STPG2: variants seen among roughly 807,000 people sequenced by gnomAD.
The protein encoded by STPG2 is sperm-tail PG-rich repeat-containing protein 2.
Under a neutral mutation model 54.2 loss-of-function variants are expected in STPG2, and 56 were observed. The ratio of observed to expected loss-of-function variants is 1.03; its 90% CI spans 0.83 to 1.29. STPG2 has a LOEUF of 1.29. STPG2 is among the 50% of genes most tolerant of loss of function. The probability of loss-of-function intolerance (pLI) is 0.00; values close to 1 mark genes in which losing one functional copy is unlikely to be tolerated. For missense variants in STPG2, 596 were observed against 544.9 expected (o/e 1.09, Z -0.93); for synonymous variants, 200 against 181.8 (o/e 1.10, Z -0.81).
At chr4:97,561,658 T>G (rs985802231) in intron 10 of STPG2, among the ~76,000 whole-genome samples, 4 of 150,548 alleles carry the variant, frequency 2.7e-5, no homozygotes, top group Admixed American at 2.6e-4. Context: ...TTTCAGCATA[T>G]GGCTAGCCAG....
chr4:98,089,424 T>C (rs1738618086), intron 5 of STPG2, among the ~76,000 whole-genome samples: 2 of 152,120 alleles, frequency 1.3e-5, no homozygotes, highest in African/African-American at 2.4e-5. Flanking sequence ...GGTGTATATA[T>C]ATCAGATTTT....
intron 4 of STPG2, among the ~76,000 whole-genome samples, chr4:97,445,907 A>G (rs1166991005): frequency 6.6e-6 from 1 of 152,228 alleles, no homozygotes; most frequent in Non-Finnish European, 1.5e-5. Flanking sequence ...AAAGAAAAGG[A>G]ATCTTTTTCT....
intron 9 of STPG2, among the ~76,000 whole-genome samples, chr4:97,828,247 G>A (rs901711849): frequency 3.9e-5 from 6 of 152,152 alleles, no homozygotes; most frequent in Non-Finnish European, 8.8e-5. Flanking sequence ...GCGAGCCAAA[G>A]CAGGCTGGGG....
rs531931706 is a variant in STPG2 at position 97,692,589 on chromosome 4, A to C, written c.1320+20110T>G. ...TAACAATAATTGGTATTCCCGAGGA[A>C]GAAGAGAAATCTAAAAGTTTAGAAA... On this transcript the variant is annotated intron_variant, in intron 10 of 10. Coordinates refer to ENST00000295268, the MANE Select transcript of STPG2 (RefSeq NM_174952.3). Among the ~76,000 whole-genome samples the C allele has an allele frequency of 5.3e-5, 8 of 152,316 alleles. No homozygotes were observed. The East Asian group carries it at 1.5e-3, about 29-fold the overall frequency.
intron 10 of STPG2, among the ~76,000 whole-genome samples, chr4:97,589,902 T>C (rs1578408919): frequency 6.6e-6 from 1 of 152,232 alleles, no homozygotes; most frequent in South Asian, 2.1e-4. Flanking sequence ...TCCAAGTTTG[T>C]AGCTTAGGAG....
chr4:97,891,326 A>T (rs1401557729), intron 8 of STPG2, among the ~76,000 whole-genome samples: 1 of 152,126 alleles, frequency 6.6e-6, no homozygotes, highest in Admixed American at 6.6e-5. Flanking sequence ...GAGAAACTCA[A>T]TCAGCTGGAA....
chr4:97,862,662 C>A (rs921612556), intron 8 of STPG2, among the ~76,000 whole-genome samples: 1 of 152,114 alleles, frequency 6.6e-6, no homozygotes, highest in Non-Finnish European at 1.5e-5. Context: ...AGCACCACAC[C>A]ACACCTATTC....
intron 7 of STPG2, among the ~76,000 whole-genome samples, chr4:97,965,991 C>T (rs1734083440): frequency 6.6e-6 from 1 of 152,140 alleles, no homozygotes; most frequent in South Asian, 2.1e-4. Flanking sequence ...TCAACAGCAA[C>T]AAAACAAAGC....
intron 8 of STPG2, among the ~76,000 whole-genome samples, chr4:97,845,002 A>T (rs900568342): frequency 9.2e-5 from 14 of 151,804 alleles, no homozygotes; most frequent in East Asian, 3.9e-4. Context: ...CAACTCTAGA[A>T]TTATTTTTGT....
At chr4:98,100,549 C>A (rs1738994414) in intron 5 of STPG2, among the ~76,000 whole-genome samples, 1 of 151,536 alleles carries the variant, frequency 6.6e-6, no homozygotes, top group South Asian at 2.1e-4. Context: ...TATGTACCAT[C>A]TATTGTAAGG....
At chr4:97,859,520 A>T (rs1466628934) in intron 8 of STPG2, among the ~76,000 whole-genome samples, 1 of 144,290 alleles carries the variant, frequency 6.9e-6, no homozygotes, top group East Asian at 2.0e-4. Context: ...CAGGGAGTGC[A>T]GTGGGGCGAT....
chr4:97,665,416 C>T (rs1255598809), intron 10 of STPG2, among the ~76,000 whole-genome samples: 1 of 152,166 alleles, frequency 6.6e-6, no homozygotes, highest in East Asian at 1.9e-4. Flanking sequence ...GATGTCCCAA[C>T]AAGTGTTCAG....
At chr4:97,982,377 TACACACACAC>T (rs59489663) in intron 5 of STPG2, among the ~76,000 whole-genome samples, 6 of 143,538 alleles carry the variant, frequency 4.2e-5, no homozygotes, top group South Asian at 4.5e-4. Flanking sequence ...TCTCTTACTC[TACACACACAC>T]ACACACACAC....
intron 10 of STPG2, among the ~76,000 whole-genome samples, chr4:97,655,532 C>T (rs1560705463): frequency 6.6e-6 from 1 of 151,886 alleles, no homozygotes; most frequent in Admixed American, 6.6e-5. Flanking sequence ...TTTTTCATTA[C>T]TATTTTGGAT....
intron 9 of STPG2, among the ~76,000 whole-genome samples, chr4:97,749,408 A>T (rs961654442): frequency 2.0e-5 from 3 of 151,738 alleles, no homozygotes; most frequent in Non-Finnish European, 4.4e-5. Flanking sequence ...CTATCTAGTC[A>T]TCTTAAGAAA....
intron 8 of STPG2, among the ~76,000 whole-genome samples, chr4:97,900,978 T>C (rs1314829460): frequency 6.6e-6 from 1 of 151,868 alleles, no homozygotes; most frequent in Non-Finnish European, 1.5e-5. Context: ...CTTTCTTATT[T>C]TGTTTTGATT....
chr4:97,825,354 G>A (rs1728218506), intron 9 of STPG2, among the ~76,000 whole-genome samples: 1 of 152,112 alleles, frequency 6.6e-6, no homozygotes, highest in South Asian at 2.1e-4. Flanking sequence ...TACTTTTGGG[G>A]ATAGCTAATG....
At chr4:97,609,080 T>C (rs533108801) in intron 10 of STPG2, among the ~76,000 whole-genome samples, 10 of 152,116 alleles carry the variant, frequency 6.6e-5, no homozygotes, top group Non-Finnish European at 1.3e-4. Context: ...TAATTCTATA[T>C]GTTTACAAAT....
At chr4:97,798,546 G>C (rs1351263731) in intron 9 of STPG2, among the ~76,000 whole-genome samples, 2 of 151,756 alleles carry the variant, frequency 1.3e-5, no homozygotes, top group African/African-American at 4.8e-5. Flanking sequence ...TGGTCTGAGA[G>C]ACAGTTTGTT....
Sources: allele counts gnomAD v4.1 joint callset (sites outside exome capture counted in the v4.1 genomes callset), GRCh38; gene constraint gnomAD v4.1.1; transcripts MANE v1.5; gene names NCBI Gene and HGNC (gene_info 2026-07-23, HGNC 2026-07-21).